Variants in ANKRD22 observed in about 807,000 individuals in gnomAD.
ANKRD22 encodes ankyrin repeat domain-containing protein 22.
A neutral mutation model predicts 25.7 loss-of-function variants in ANKRD22; 24 were observed. That is an observed-to-expected ratio of 0.93 (90% CI 0.68 to 1.31). ANKRD22 has a LOEUF of 1.31. ANKRD22 is among the 50% of genes most tolerant of loss of function. The pLI, the probability that ANKRD22 is intolerant of heterozygous loss-of-function variation, is 0.00. For synonymous variants in ANKRD22, 84 were observed against 84.3 expected (o/e 1.00, Z 0.02); for missense variants, 214 against 227.1 (o/e 0.94, Z 0.37).
rs1170721784 is a variant in ANKRD22, at chr10:88,820,613, A to G, written c.*2328T>C. On this transcript the variant is annotated 3_prime_UTR_variant, in exon 6 of 6. Coordinates refer to ENST00000371930, the MANE Select transcript of ANKRD22 (RefSeq NM_144590.3). ...AGTATACATTTTTCAGATTCCCTGCACTTGGCACTAAATCCGACACTTACA... is the reference window on the plus strand; with the variant it reads ...AGTATACATTTTTCAGATTCCCTGCGCTTGGCACTAAATCCGACACTTACA... 1 of 1,043,498 alleles carries G rather than the reference A, an allele frequency of 9.6e-7. No homozygotes were observed. The highest frequency in any genetic ancestry group is 1.3e-6 in the Non-Finnish European group (1 of 742,716). 64.6% of individuals were successfully genotyped at this position (1,043,498 alleles called of 1,614,324 possible).
At chr10:88,845,809 T>C (rs1339136129) in intron 1 of ANKRD22, among the ~76,000 whole-genome samples, 3 of 152,068 alleles carry the variant, frequency 2.0e-5, no homozygotes, top group Non-Finnish European at 4.4e-5. Context: ...GCTACCAGAG[T>C]GGCCTTTTTA....
At chr10:88,826,514 G>A (rs1843857839) in intron 3 of ANKRD22, among the ~76,000 whole-genome samples, 1 of 152,180 alleles carries the variant, frequency 6.6e-6, no homozygotes. Context: ...TTGGCTCCAC[G>A]TATGGCCCTG....
chr10:88,828,624 T>G lies in ANKRD22; in HGVS notation c.256A>C (p.Thr86Pro), dbSNP rs769097249. ...CLHYAVKKKF[T>P]FIDYLLIILL... ...ATAATTAGTAGATAATCAATGAAGG[T>G]AAATTTTTTCTTCACAGCATAATGC... Residue 86 changes from threonine to proline, a missense_variant, in exon 3 of 6, where the codon ACC becomes CCC. Physicochemically the swap from Thr to Pro is conservative, Grantham distance 38. Coordinates refer to ENST00000371930, the MANE Select transcript of ANKRD22 (RefSeq NM_144590.3). 1 of 1,610,400 alleles carries G rather than the reference T, an allele frequency of 6.2e-7. No homozygotes were observed. The highest frequency in any genetic ancestry group is 2.2e-5 in the East Asian group (1 of 44,832).
chr10:88,851,338 T>C (rs749529939), intron 1 of ANKRD22, among the ~76,000 whole-genome samples: 3 of 152,190 alleles, frequency 2.0e-5, no homozygotes, highest in African/African-American at 4.8e-5. Flanking sequence ...CCAGATACTA[T>C]GAAATGTGTA....
intron 1 of ANKRD22, among the ~76,000 whole-genome samples, chr10:88,850,503 C>T (rs931815120): frequency 6.6e-5 from 10 of 152,204 alleles, no homozygotes; most frequent in South Asian, 2.1e-4. Context: ...ACCTGGGATG[C>T]TCCTTTTAAA....
In ANKRD22 at chr10:88,822,174, A is replaced by C. The variant is rs1002732017; in HGVS notation, c.*767T>G. ...TATGCTGGTAAACGAACTTTATGGAAAGTAAAAAACAAAAAAACAAAAACA... is the reference window on the plus strand; with the variant it reads ...TATGCTGGTAAACGAACTTTATGGACAGTAAAAAACAAAAAAACAAAAACA... On this transcript the variant is annotated 3_prime_UTR_variant, in exon 6 of 6. Transcript: ENST00000371930. 1 of 152,316 alleles carries C rather than the reference A, an allele frequency of 6.6e-6. No individual in the cohort carries two copies. The highest frequency in any genetic ancestry group is 6.5e-5 in the Admixed American group (1 of 15,298). 9.4% of individuals were successfully genotyped at this position (152,316 alleles called of 1,614,324 possible).
At chr10:88,845,717 A>G (rs965500475) in intron 1 of ANKRD22, among the ~76,000 whole-genome samples, 1 of 152,062 alleles carries the variant, frequency 6.6e-6, no homozygotes. Context: ...TGCAACCATC[A>G]TTATCACTCC....
intron 2 of ANKRD22, 36 bp from the exon 3 acceptor site, chr10:88,828,702 C>T (rs1843878223): frequency 6.9e-7 from 1 of 1,451,220 alleles, no homozygotes; most frequent in Non-Finnish European, 9.5e-7. Context: ...ACTAATAAAG[C>T]ATTTCAATTC....
At chr10:88,826,974 T>C (rs1352060253) in intron 3 of ANKRD22, among the ~76,000 whole-genome samples, 1 of 152,226 alleles carries the variant, frequency 6.6e-6, no homozygotes, top group Non-Finnish European at 1.5e-5. Flanking sequence ...AACAAATTAA[T>C]GAAATGAACT....
Position 88,831,817 on chromosome 10 carries a change from T to C in ANKRD22, c.213+18A>G. 1 of 1,585,132 alleles carries C rather than the reference T, an allele frequency of 6.3e-7. No individual in the cohort carries two copies. Among genetic ancestry groups the C allele is most frequent in the Non-Finnish European group, 8.6e-7 (1 of 1,166,824 alleles). On this transcript the variant is annotated intron_variant, in intron 2 of 5. Coordinates refer to ENST00000371930, the MANE Select transcript of ANKRD22 (RefSeq NM_144590.3). ...TTATCATGAACAATTACACTCTCCA[T>C]TCATGTCATGACCTCACCTGGTTTT...
chr10:88,834,430 A>G (rs946990241), intron 1 of ANKRD22, among the ~76,000 whole-genome samples: 2 of 152,222 alleles, frequency 1.3e-5, no homozygotes, highest in African/African-American at 4.8e-5. Context: ...AAAAGATTTT[A>G]CCATAAACTA....
In ANKRD22 at chr10:88,822,356, C is replaced by T. The variant is rs916511669; in HGVS notation, c.*585G>A. The T allele has an allele frequency of 2.0e-5, 3 of 151,900 alleles. No individual in the cohort carries two copies. The highest frequency in any genetic ancestry group is 4.8e-5 in the African/African-American group (2 of 41,346). 9.4% of individuals were successfully genotyped at this position (151,900 alleles called of 1,614,324 possible). A position where few individuals can be genotyped will look rare whatever the true frequency, so the allele number is the denominator to read the frequency against. On this transcript the variant is annotated 3_prime_UTR_variant, in exon 6 of 6. Transcript: ENST00000371930. ...ACAAATACCATTCTGTACAAACATACGTATTTAATAATTTGATTCTTCTGC... is the reference window on the plus strand; with the variant it reads ...ACAAATACCATTCTGTACAAACATATGTATTTAATAATTTGATTCTTCTGC...
At chr10:88,847,312 G>T (rs1285865691) in intron 1 of ANKRD22, among the ~76,000 whole-genome samples, 1 of 152,070 alleles carries the variant, frequency 6.6e-6, no homozygotes, top group Non-Finnish European at 1.5e-5. Context: ...AGGCTGGAGT[G>T]CAGTGATGTG....
At chr10:88,844,771 ATTAT>A (rs772629389) in intron 1 of ANKRD22, among the ~76,000 whole-genome samples, 1 of 152,148 alleles carries the variant, frequency 6.6e-6, no homozygotes, top group Non-Finnish European at 1.5e-5. Flanking sequence ...CTAGCTGAAA[ATTAT>A]TTGTTATTTC....
rs1405592306 is a variant in ANKRD22 at position 88,820,340 on chromosome 10, G to A, written c.*2601C>T. 2 of 1,552,296 alleles carry A rather than the reference G, an allele frequency of 1.3e-6. No individual in the cohort carries two copies. The highest frequency in any genetic ancestry group is 8.7e-7 in the Non-Finnish European group (1 of 1,147,128). ...AGAAGACGTGAAAATGCTGCTCTCTGAGGTGACCAACCTCATCTACCATAA... is the reference window on the plus strand; with the variant it reads ...AGAAGACGTGAAAATGCTGCTCTCTAAGGTGACCAACCTCATCTACCATAA... On this transcript the variant is annotated 3_prime_UTR_variant, in exon 6 of 6. Transcript: ENST00000371930.
intron 1 of ANKRD22, among the ~76,000 whole-genome samples, chr10:88,840,299 TTGA>T (rs1292038610): frequency 3.3e-5 from 5 of 152,196 alleles, no homozygotes; most frequent in Non-Finnish European, 5.9e-5. Context: ...AATCAGCATG[TTGA>T]TGATTAACTG....
intron 1 of ANKRD22, among the ~76,000 whole-genome samples, chr10:88,834,749 A>G (rs372704764): frequency 3.9e-4 from 59 of 152,240 alleles, no homozygotes; most frequent in African/African-American, 1.4e-3. Context: ...AGCCTGGCCA[A>G]CATGGAGAAA....
chr10:88,827,843 A>T (rs1171174508), intron 3 of ANKRD22, among the ~76,000 whole-genome samples: 2 of 152,240 alleles, frequency 1.3e-5, no homozygotes, highest in East Asian at 3.8e-4. Flanking sequence ...TAAATTATGC[A>T]TCTCTTGAGT....
intron 1 of ANKRD22, among the ~76,000 whole-genome samples, chr10:88,847,904 G>A (rs914167998): frequency 4.6e-5 from 7 of 151,914 alleles, no homozygotes; most frequent in Non-Finnish European, 7.4e-5. Context: ...TTGTGGACTT[G>A]CTTTCATGGG....
Sources: gnomAD v4.1 joint callset for allele counts (sites outside exome capture counted in the v4.1 genomes callset) on GRCh38, gnomAD v4.1.1 for gene constraint, MANE v1.5 for transcripts, NCBI Gene and HGNC (gene_info 2026-07-23, HGNC 2026-07-21) for gene names.